AFF3: variants seen among roughly 807,000 people sequenced by gnomAD.
AFF3 encodes the protein AF4/FMR2 family member 3.
In AFF3, 32 loss-of-function variants were observed where a neutral mutation model predicts 129.7. The ratio of observed to expected loss-of-function variants is 0.25; its 90% CI spans 0.19 to 0.33. AFF3 has a LOEUF of 0.33. AFF3 is among the 10% of genes least tolerant of loss of function. The pLI, the probability that AFF3 is intolerant of heterozygous loss-of-function variation, is 1.00. For missense variants in AFF3, 1,373 were observed against 1,592.0 expected (o/e 0.86, Z 2.34); for synonymous variants, 644 against 635.4 (o/e 1.01, Z -0.20).
intron 8 of AFF3, among the ~76,000 whole-genome samples, chr2:99,753,060 C>T (rs1223915900): frequency 2.0e-5 from 3 of 151,730 alleles, no homozygotes; most frequent in African/African-American, 7.3e-5. Context: ...GACCAGGACG[C>T]CAACTTGGAG....
intron 4 of AFF3, among the ~76,000 whole-genome samples, chr2:100,020,279 T>C (rs1683480535): frequency 6.6e-6 from 1 of 151,974 alleles, no homozygotes; most frequent in East Asian, 1.9e-4. Context: ...TCTTGTCTCT[T>C]TGGCTGCTCC....
intron 4 of AFF3, among the ~76,000 whole-genome samples, chr2:100,094,541 T>G (rs138182036): frequency 6.6e-6 from 1 of 151,936 alleles, no homozygotes; most frequent in Non-Finnish European, 1.5e-5. Flanking sequence ...GAAGCTTCTC[T>G]TGCTCGCCAT....
chr2:100,048,581 C>T (rs1285083202), intron 4 of AFF3, among the ~76,000 whole-genome samples: 1 of 152,166 alleles, frequency 6.6e-6, no homozygotes, highest in African/African-American at 2.4e-5. Context: ...CAAAATACAA[C>T]AGATTCTTTC....
chr2:99,624,701 A>G (rs1054096523), intron 13 of AFF3, among the ~76,000 whole-genome samples: 3 of 152,242 alleles, frequency 2.0e-5, no homozygotes, highest in African/African-American at 4.8e-5. Flanking sequence ...AATGGCAGCA[A>G]GAAAAAGCTT....
chr2:99,931,941 GA>G (rs1696701456), intron 7 of AFF3, among the ~76,000 whole-genome samples: 1 of 152,160 alleles, frequency 6.6e-6, no homozygotes, highest in South Asian at 2.1e-4. Flanking sequence ...TACTACAAGT[GA>G]AAGTAATCTG....
intron 4 of AFF3, among the ~76,000 whole-genome samples, chr2:100,010,602 G>A (rs538623288): frequency 2.3e-4 from 35 of 152,236 alleles, no homozygotes; most frequent in African/African-American, 7.2e-4. Context: ...ATATAACGGG[G>A]ACTGCAGCCT....
intron 7 of AFF3, among the ~76,000 whole-genome samples, chr2:99,880,511 G>A (rs1427431501): frequency 1.3e-5 from 2 of 152,182 alleles, no homozygotes; most frequent in Non-Finnish European, 2.9e-5. Flanking sequence ...CTTGACAGGC[G>A]GCCATGGGAT....
At chr2:100,091,267 ACTT>A (rs1345365996) in intron 4 of AFF3, among the ~76,000 whole-genome samples, 3 of 152,300 alleles carry the variant, frequency 2.0e-5, no homozygotes, top group African/African-American at 7.2e-5. Flanking sequence ...GGCTCAGGAC[ACTT>A]CTTATGTGTA....
rs1240069660 is a variant in AFF3 at position 99,753,954 on chromosome 2, C to T, written c.922-1653G>A. Among the ~76,000 whole-genome samples the T allele has an allele frequency of 5.3e-5, 8 of 152,308 alleles. No homozygotes were observed. In the East Asian group the frequency reaches 7.7e-4, roughly 15 times the overall value. On this transcript the variant is annotated intron_variant, in intron 8 of 24. Transcript: ENST00000672756. Reference sequence around the variant, plus strand: ...CTGATAAGCAGGACTGTCAAGTTTGCGTCCACAGTGGCATCTTTGTCCATG... The same window carrying T: ...CTGATAAGCAGGACTGTCAAGTTTGTGTCCACAGTGGCATCTTTGTCCATG...
intron 7 of AFF3, among the ~76,000 whole-genome samples, chr2:99,839,606 T>C (rs768550100): frequency 1.4e-5 from 2 of 147,504 alleles, no homozygotes; most frequent in Non-Finnish European, 3.0e-5. Context: ...TTTTCTTTTT[T>C]TTCTTTCTTT....
At chr2:99,750,583 T>G (rs933510284) in intron 9 of AFF3, among the ~76,000 whole-genome samples, 5 of 151,966 alleles carry the variant, frequency 3.3e-5, no homozygotes, top group African/African-American at 1.2e-4. Context: ...GCCTGGCTAA[T>G]TTTTTCATAT....
Position 100,017,104 on chromosome 2 carries a change from A to G in AFF3, c.54-8172T>C, listed in dbSNP as rs554500237. Among the ~76,000 whole-genome samples the G allele has an allele frequency of 3.9e-5, 6 of 152,084 alleles. No individual in the cohort carries two copies. In the South Asian group the frequency reaches 1.2e-3, roughly 32 times the overall value. ...TGGTGAAAGTGGTAGTGAAGGTGCT[A>G]GTGGTTAAAAATCTGTTGAGGAGTG... is the stretch of plus-strand genomic sequence containing the variant. On this transcript the variant is annotated intron_variant, in intron 4 of 24. Coordinates refer to ENST00000672756, the MANE Select transcript of AFF3 (RefSeq NM_001386135.1).
intron 7 of AFF3, among the ~76,000 whole-genome samples, chr2:99,968,065 TG>T (rs1314277535): frequency 6.6e-6 from 1 of 152,178 alleles, no homozygotes; most frequent in Non-Finnish European, 1.5e-5. Flanking sequence ...CACAAAAACA[TG>T]CACCTATACA....
rs1340252297 is a variant in AFF3 at position 99,754,859 on chromosome 2, A to C, written c.922-2558T>G. Among the ~76,000 whole-genome samples the C allele has an allele frequency of 2.0e-5, 3 of 152,214 alleles. No homozygotes were observed. In the East Asian group the frequency reaches 5.8e-4, roughly 29 times the overall value. ...TCCTGAAAACTTACCATTGGCAGGC[A>C]CTGTAACTGTGTCTTATGTACACGA... On this transcript the variant is annotated intron_variant, in intron 8 of 24. Coordinates refer to ENST00000672756, the MANE Select transcript of AFF3 (RefSeq NM_001386135.1).
chr2:99,737,302 C>T (rs1044150554), intron 10 of AFF3, among the ~76,000 whole-genome samples: 6 of 152,112 alleles, frequency 3.9e-5, no homozygotes, highest in Non-Finnish European at 8.8e-5. Flanking sequence ...AAATTTTCCC[C>T]ATATTTACTT....
At chr2:99,658,552 G>T (rs980327091) in intron 12 of AFF3, among the ~76,000 whole-genome samples, 1 of 152,130 alleles carries the variant, frequency 6.6e-6, no homozygotes, top group Admixed American at 6.5e-5. Flanking sequence ...GTTTCACCAC[G>T]TTGGCCAGGC....
chr2:99,632,771 T>G (rs1683247320), intron 13 of AFF3, among the ~76,000 whole-genome samples: 1 of 152,238 alleles, frequency 6.6e-6, no homozygotes, highest in Non-Finnish European at 1.5e-5. Flanking sequence ...GGAAACAGGA[T>G]TTTAAATTAG....
At chr2:99,858,130 G>GC (rs1187464076) in intron 7 of AFF3, among the ~76,000 whole-genome samples, 5 of 152,336 alleles carry the variant, frequency 3.3e-5, no homozygotes, top group Non-Finnish European at 1.5e-5. Flanking sequence ...GCCCCAGGTA[G>GC]CATATGGTTG....
chr2:100,106,946 A>G, intron 2 of AFF3: 1 of 985,496 alleles, frequency 1.0e-6, no homozygotes, highest in Non-Finnish European at 1.2e-6. Context: ...CCAAAAAGCC[A>G]TGTAGTAACG....
Sources: allele counts gnomAD v4.1 joint callset (sites outside exome capture counted in the v4.1 genomes callset), GRCh38; gene constraint gnomAD v4.1.1; transcripts MANE v1.5; gene names NCBI Gene and HGNC (gene_info 2026-07-23, HGNC 2026-07-21).